Variants in LETM1 observed in about 807,000 individuals in gnomAD.
LETM1 encodes leucine zipper and EF-hand containing transmembrane protein 1.
A neutral mutation model predicts 74.5 loss-of-function variants in LETM1; 50 were observed. The observed-to-expected ratio is 0.67, with a 90% CI of 0.53 to 0.85. The LOEUF is 0.85. LETM1 is among the 40% of genes least tolerant of loss of function. LETM1 has a pLI of 0.00. For synonymous variants in LETM1, 446 were observed against 407.1 expected (o/e 1.10, Z -1.15); for missense variants, 824 against 967.8 (o/e 0.85, Z 1.97).
chr4:1,852,624 C>T (rs1021696981), intron 1 of LETM1, among the ~76,000 whole-genome samples: 8 of 152,172 alleles, frequency 5.3e-5, no homozygotes, highest in African/African-American at 1.7e-4. Flanking sequence ...GCAGTGATAA[C>T]GAATAACAGA....
chr4:1,841,830 G>A, intron 2 of LETM1, 33 bp from the exon 3 acceptor site: 1 of 1,513,242 alleles, frequency 6.6e-7, no homozygotes, highest in Non-Finnish European at 9.0e-7. Flanking sequence ...ACAGTAGTAA[G>A]AGCCAGCACT....
At position 1,822,012 on chromosome 4, in the gene LETM1, C is replaced by A. The variant is rs1157034504; in HGVS notation, c.1608+169G>T. The stretch of plus-strand genomic sequence containing the variant: ...CCGGACTCACTCTTTTCCTAACCAC[C>A]AAGCCTCCTAGGGGCCCAGTGGCCT... On this transcript the variant is annotated intron_variant, in intron 10 of 13. Transcript: ENST00000302787. Among the ~76,000 whole-genome samples the A allele has an allele frequency of 2.6e-5, 4 of 152,314 alleles. No homozygotes were observed. In the East Asian group the frequency reaches 5.8e-4, roughly 22 times the overall value.
rs1577306437 is a variant in LETM1, at chr4:1,814,050, G to C, written c.*374C>G. On this transcript the variant is annotated 3_prime_UTR_variant, in exon 14 of 14. Coordinates refer to ENST00000302787, the MANE Select transcript of LETM1 (RefSeq NM_012318.3). ...GGGTGGGCACAGCAGCCAGCTCTGT[G>C]TGGGCGGAGTCCACGTGGTCCTCAT... The C allele has an allele frequency of 3.8e-6, 1 of 264,598 alleles. No homozygotes were observed. 16.4% of individuals were successfully genotyped at this position (264,598 alleles called of 1,614,324 possible).
chr4:1,853,682 A>C (rs1261616563), intron 1 of LETM1, among the ~76,000 whole-genome samples: 1 of 152,178 alleles, frequency 6.6e-6, no homozygotes, highest in Non-Finnish European at 1.5e-5. Context: ...AGTAAAGAAA[A>C]TCTGAATATG....
intron 10 of LETM1, among the ~76,000 whole-genome samples, chr4:1,820,564 AG>A (rs1246118081): frequency 6.6e-6 from 1 of 152,152 alleles, no homozygotes; most frequent in African/African-American, 2.4e-5. Context: ...CGGCAGCTGG[AG>A]GTGTTTCTGC....
At chr4:1,850,499 T>C (rs185015298) in intron 1 of LETM1, among the ~76,000 whole-genome samples, 1 of 152,110 alleles carries the variant, frequency 6.6e-6, no homozygotes, top group Non-Finnish European at 1.5e-5. Flanking sequence ...GGGCAAGAGC[T>C]GTAAGAATTA....
intron 5 of LETM1, chr4:1,833,577 G>A (rs1712355522): frequency 6.4e-6 from 1 of 157,448 alleles, no homozygotes; most frequent in Non-Finnish European, 1.4e-5. Context: ...GACTGCCTGA[G>A]CCTTGGGGGA....
At chr4:1,835,376 C>A (rs1195938859) in intron 4 of LETM1, among the ~76,000 whole-genome samples, 2 of 151,842 alleles carry the variant, frequency 1.3e-5, no homozygotes, top group African/African-American at 4.8e-5. Context: ...GAGGTGGAGG[C>A]TACAGTGAGC....
chr4:1,854,552 G>C (rs1399097673), intron 1 of LETM1, among the ~76,000 whole-genome samples: 4 of 152,140 alleles, frequency 2.6e-5, no homozygotes, highest in Non-Finnish European at 5.9e-5. Context: ...CCAGCACTTT[G>C]GGAGGCCGAG....
chr4:1,837,427 T>C (rs1466716630), intron 3 of LETM1, among the ~76,000 whole-genome samples: 1 of 152,190 alleles, frequency 6.6e-6, no homozygotes, highest in Non-Finnish European at 1.5e-5. Flanking sequence ...ACATTCATTT[T>C]TCTGTTTTTT....
intron 1 of LETM1, among the ~76,000 whole-genome samples, chr4:1,855,432 A>G (rs116805240): frequency 0.011 from 1,639 of 152,260 alleles, 24 homozygotes; most frequent in African/African-American, 0.037. Flanking sequence ...TCAGTGACGG[A>G]CCAGGAAGGC....
intron 3 of LETM1, among the ~76,000 whole-genome samples, chr4:1,837,258 C>G (rs1310979585): frequency 1.3e-5 from 2 of 152,104 alleles, no homozygotes; most frequent in Non-Finnish European, 2.9e-5. Flanking sequence ...TGAGCGTTCC[C>G]AGGGAGACGC....
At chr4:1,816,680 C>T in intron 12 of LETM1, 47 bp downstream of exon 12, 4 of 1,574,134 alleles carry the variant, frequency 2.5e-6, no homozygotes, top group Non-Finnish European at 3.5e-6. Context: ...GACCAGCCTC[C>T]CTATGTGAGT....
rs762010968 is a variant in LETM1 at position 1,823,142 on chromosome 4, G to A, written c.1333-11C>T. The A allele has an allele frequency of 1.8e-5, 29 of 1,577,078 alleles. No homozygotes were observed. The highest frequency in any genetic ancestry group is 4.6e-5 in the South Asian group (4 of 87,302). ...CTGTGCTTCCTTTGCCTTCAGAAGA[G>A]GGTACATCTGTGGGTGAGCCCAGAA... is the stretch of plus-strand genomic sequence containing the variant. On this transcript the variant is annotated splice_polypyrimidine_tract_variant and intron_variant, in intron 8 of 13. Transcript: ENST00000302787.
intron 2 of LETM1, 37 bp from the exon 3 acceptor site, chr4:1,841,834 C>A: frequency 6.7e-7 from 1 of 1,485,652 alleles, no homozygotes; most frequent in Non-Finnish European, 9.2e-7. Context: ...TAGTAAGAGC[C>A]AGCACTAGCC....
At chr4:1,851,162 T>C (rs931446834) in intron 1 of LETM1, among the ~76,000 whole-genome samples, 11 of 152,066 alleles carry the variant, frequency 7.2e-5, no homozygotes, top group African/African-American at 1.2e-4. Context: ...AAGACAGGAA[T>C]AGGAGCAGCA....
At chr4:1,844,779 G>A (rs1163933169) in intron 2 of LETM1, among the ~76,000 whole-genome samples, 1 of 151,336 alleles carries the variant, frequency 6.6e-6, no homozygotes, top group East Asian at 1.9e-4. Context: ...TGGGCACCAT[G>A]GCTCACACCT....
intron 2 of LETM1, chr4:1,842,982 TC>T (rs1577324746): frequency 9.0e-5 from 29 of 323,000 alleles, no homozygotes; most frequent in South Asian, 1.2e-4. Flanking sequence ...TGGACACAAA[TC>T]CCCCCGGGTG....
intron 13 of LETM1, among the ~76,000 whole-genome samples, chr4:1,815,254 C>T (rs943524919): frequency 2.0e-5 from 3 of 152,168 alleles, no homozygotes; most frequent in African/African-American, 7.2e-5. Flanking sequence ...CAAGCTGCCC[C>T]GCGGCTCCCC....
Sources: allele counts gnomAD v4.1 joint callset (sites outside exome capture counted in the v4.1 genomes callset), GRCh38; gene constraint gnomAD v4.1.1; transcripts MANE v1.5; gene names NCBI Gene and HGNC (gene_info 2026-07-23, HGNC 2026-07-21).